UPF1: variants seen among roughly 807,000 people sequenced by gnomAD.
The protein encoded by UPF1 is UPF1 RNA helicase and ATPase, also known as regulator of nonsense transcripts 1.
Under a neutral mutation model 129.2 loss-of-function variants are expected in UPF1, and 9 were observed. The ratio of observed to expected loss-of-function variants is 0.07; its 90% CI spans 0.04 to 0.12. The LOEUF (loss-of-function observed/expected upper bound fraction) is 0.12. UPF1 is among the 10% of genes least tolerant of loss of function. The probability of loss-of-function intolerance (pLI) is 1.00; values close to 1 mark genes in which losing one functional copy is unlikely to be tolerated. For missense variants in UPF1, 788 were observed against 1,525.3 expected (o/e 0.52, Z 8.05); for synonymous variants, 649 against 644.9 (o/e 1.01, Z -0.10).
chr19:18,832,337 A>G lies in UPF1; in HGVS notation c.128A>G (p.Gln43Arg), dbSNP rs773460718. Residue 43 changes from glutamine to arginine, a missense_variant, in exon 1 of 24, where the codon CAG (glutamine) becomes CGG (arginine). Physicochemically the swap from Gln to Arg is conservative, Grantham distance 43. Transcript: ENST00000262803. The surrounding 1 kb of genome is among the most constrained non-coding windows in gnomAD (Gnocchi z 5.6). Reference sequence around the variant, plus strand: ...TTCACCGACTTTACTCTTCCTAGCCAGACGCAGACGCCCCCCGGCGGCCCC... The same window carrying G: ...TTCACCGACTTTACTCTTCCTAGCCGGACGCAGACGCCCCCCGGCGGCCCC... ...FEFTDFTLPS[Q>R]TQTPPGGPGG... 2.8e-6 allele frequency: 4 copies of G among 1,424,308 alleles called. No homozygotes were observed. The highest frequency in any genetic ancestry group is 2.1e-5 in the Admixed American group (1 of 47,216). The allele number at this position is 1,424,308 out of a possible 1,614,324, so 88.2% of individuals were successfully genotyped here. A position where few individuals can be genotyped will look rare whatever the true frequency, so the allele number is the denominator to read the frequency against.
rs1399903556 is a variant in UPF1 at position 18,855,210 on chromosome 19, C to A, written c.1512C>A (p.Thr504=). 5 of 1,612,606 alleles carry A rather than the reference C, an allele frequency of 3.1e-6. No homozygotes were observed. Among genetic ancestry groups the A allele is most frequent in the Non-Finnish European group, 4.2e-6 (5 of 1,180,000 alleles). Residue 504 remains threonine, a synonymous_variant, in exon 11 of 24, where the codon ACC becomes ACA. Coordinates refer to ENST00000262803, the MANE Select transcript of UPF1 (RefSeq NM_002911.4). The part of the protein sequence containing the change: ...PGTGKTVTSA[T]IVYHLARQGN... Reference sequence around the variant, plus strand: ...CGGGGAAGACGGTGACGTCGGCCACCATCGTCTACCACCTGGCCCGGCAAG... The same window carrying A: ...CGGGGAAGACGGTGACGTCGGCCACAATCGTCTACCACCTGGCCCGGCAAG...
At chr19:18,844,302 G>T (rs577230806) in intron 1 of UPF1, among the ~76,000 whole-genome samples, 7 of 150,284 alleles carry the variant, frequency 4.7e-5, no homozygotes, top group African/African-American at 1.2e-4. Context: ...TGGGGGCCGG[G>T]GGGGGGTTTG....
Position 18,852,177 on chromosome 19 carries a change from G to A in UPF1, c.853G>A (p.Val285Met), listed in dbSNP as rs1200039815. ...GCTGGAGGACCTGGAGAAGCCGGGG[G>A]TGGACGAGGAGCCGCAGCATGTCCT... ...ATLEDLEKPG[V>M]DEEPQHVLLR... is the part of the protein sequence containing the mutation. Residue 285 changes from valine (V) to methionine (M), a missense_variant, in exon 6 of 24, where the codon GTG becomes ATG. Val to Met is a conservative substitution (Grantham distance 21). Transcript: ENST00000262803. 1.9e-6 allele frequency: 3 copies of A among 1,613,298 alleles called. No individual in the cohort carries two copies. Among genetic ancestry groups the A allele is most frequent in the East Asian group, 4.5e-5 (2 of 44,856 alleles).
At chr19:18,857,921 G>A (rs573763843) in intron 15 of UPF1, among the ~76,000 whole-genome samples, 5 of 152,304 alleles carry the variant, frequency 3.3e-5, no homozygotes, top group African/African-American at 7.2e-5. Context: ...GACCGTGTCC[G>A]GCTTCCCTGG....
chr19:18,837,891 A>G (rs1364347711), intron 1 of UPF1, among the ~76,000 whole-genome samples: 2 of 152,164 alleles, frequency 1.3e-5, no homozygotes, highest in Non-Finnish European at 2.9e-5. Context: ...ATCGTAAGGG[A>G]CAACTAGCTA....
chr19:18,846,224 GTGACTC>G (rs1025310143), intron 2 of UPF1, 105 bp downstream of exon 2: 112 of 1,504,074 alleles, frequency 7.4e-5, no homozygotes, highest in Non-Finnish European at 9.2e-5. Context: ...CCCTTGTGCT[GTGACTC>G]TGGGTGGCGG....
At chr19:18,857,648 C>T in intron 15 of UPF1, 115 bp downstream of exon 15, 3 of 1,219,520 alleles carry the variant, frequency 2.5e-6, no homozygotes, top group South Asian at 1.6e-5. Context: ...CACATAGCCA[C>T]TGCTTGAGGT....
intron 8 of UPF1, 28 bp from the exon 9 acceptor site, chr19:18,854,573 A>G: frequency 6.3e-7 from 1 of 1,577,048 alleles, no homozygotes; most frequent in Middle Eastern, 1.7e-4. Flanking sequence ...GGCTTTTGAC[A>G]AGGATGCAAA....
chr19:18,844,409 C>T (rs1290841612), intron 1 of UPF1, among the ~76,000 whole-genome samples: 4 of 151,294 alleles, frequency 2.6e-5, no homozygotes, highest in Non-Finnish European at 4.4e-5. Flanking sequence ...CTGCAACCTG[C>T]GCCTCCTGGG....
Position 18,832,061 on chromosome 19 carries a change from C to G in UPF1, c.-149C>G. ...CGGCTCGGCACTGTTACCTCTCGGT[C>G]CGGCTGGCGCCGGGGCGCGCGGTTT... is the stretch of plus-strand genomic sequence containing the variant. On this transcript the variant is annotated 5_prime_UTR_variant, in exon 1 of 24. Coordinates refer to ENST00000262803, the MANE Select transcript of UPF1 (RefSeq NM_002911.4). The surrounding 1 kb of genome is among the most constrained non-coding windows in gnomAD (Gnocchi z 5.6). 1.4e-6 allele frequency: 1 copy of G among 689,970 alleles called. No homozygotes were observed. Among genetic ancestry groups the G allele is most frequent in the South Asian group, 3.9e-5 (1 of 25,420 alleles). 42.7% of individuals were successfully genotyped at this position (689,970 alleles called of 1,614,324 possible). A position where few individuals can be genotyped will look rare whatever the true frequency, so the allele number is the denominator to read the frequency against.
intron 19 of UPF1, 38 bp from the exon 20 acceptor site, chr19:18,864,132 T>G: frequency 8.9e-5 from 142 of 1,587,132 alleles, no homozygotes; most frequent in Middle Eastern, 1.7e-4. Context: ...TTCCTTCTGT[T>G]GAGATGACAA....
At chr19:18,852,945 G>A in intron 6 of UPF1, 42 bp from the exon 7 acceptor site, 1 of 1,566,232 alleles carries the variant, frequency 6.4e-7, no homozygotes, top group Non-Finnish European at 8.8e-7. Context: ...GCCCGGGCCT[G>A]TGCTGGAGGC....
At chr19:18,860,521 A>G (rs946844272) in intron 16 of UPF1, 83 bp downstream of exon 16, 2 of 1,388,768 alleles carry the variant, frequency 1.4e-6, no homozygotes, top group East Asian at 4.6e-5. Context: ...TATTTTTAAC[A>G]TGGGACTGAA....
At position 18,856,083 on chromosome 19, in the gene UPF1, T is replaced by C; in HGVS notation, c.1703T>C (p.Met568Thr). 6.2e-7 allele frequency: 1 copy of C among 1,613,740 alleles called. No individual in the cohort carries two copies. The highest frequency in any genetic ancestry group is 8.5e-7 in the Non-Finnish European group (1 of 1,179,826). ...GCCCTGCACAACCAGATCAGGAACA[T>C]GGACAGGTGTGTGTCGAGTCCATCC... ...FLALHNQIRN[M>T]DSMPELQKLQ... The change falls in exon 12 of 24, where the codon ATG becomes ACG. Residue 568 changes from methionine (M) to threonine (T), a missense_variant. This residue lies in a region of UPF1 where 91 missense variants were observed against 157.2 expected (regional missense o/e 0.58). Transcript: ENST00000262803.
Position 18,867,790 on chromosome 19 carries a change from C to T in UPF1, c.*1273C>T, listed in dbSNP as rs1314461955. On this transcript the variant is annotated 3_prime_UTR_variant, in exon 24 of 24. Coordinates refer to ENST00000262803, the MANE Select transcript of UPF1 (RefSeq NM_002911.4). ...CCCTCGAACGCCTGGCTTGGGGTGT[C>T]ATTCTGCCTGGCGGCCAGGCCTCCA... The T allele has an allele frequency of 6.6e-6, 1 of 152,334 alleles. No individual in the cohort carries two copies. The highest frequency in any genetic ancestry group is 1.5e-5 in the Non-Finnish European group (1 of 68,112). The allele number at this position is 152,334 out of a possible 1,614,324, so 9.4% of individuals were successfully genotyped here.
intron 1 of UPF1, among the ~76,000 whole-genome samples, chr19:18,837,880 G>T (rs1456191083): frequency 6.6e-6 from 1 of 152,146 alleles, no homozygotes; most frequent in Non-Finnish European, 1.5e-5. Flanking sequence ...TGTCTTTCTG[G>T]ATCGTAAGGG....
rs762346512 is a variant in UPF1 at position 18,864,175 on chromosome 19, C to T, written c.2781C>T (p.Ala927=). Residue 927 remains alanine (A), a synonymous_variant, in exon 20 of 24, where the codon GCC becomes GCT. Transcript: ENST00000262803. ...RKLVNTINPG[A]RFMTTAMYDA... The stretch of plus-strand genomic sequence containing the variant: ...ACCTATCTAAACCTTCGCAGGGAGC[C>T]CGCTTCATGACCACAGCCATGTATG... The T allele has an allele frequency of 6.2e-7, 1 of 1,613,950 alleles. No homozygotes were observed. Among genetic ancestry groups the T allele is most frequent in the Non-Finnish European group, 8.5e-7 (1 of 1,179,806 alleles).
chr19:18,867,461 G>A lies in UPF1; in HGVS notation c.*944G>A, dbSNP rs765905493. On this transcript the variant is annotated 3_prime_UTR_variant, in exon 24 of 24. Coordinates refer to ENST00000262803, the MANE Select transcript of UPF1 (RefSeq NM_002911.4). Reference sequence around the variant, plus strand: ...TGGCCCTGTGGCCAGGAGGCGAGAAGGTGGCTGTTCCCGGATTGACGGCTT... The same window carrying A: ...TGGCCCTGTGGCCAGGAGGCGAGAAAGTGGCTGTTCCCGGATTGACGGCTT... The A allele has an allele frequency of 1.3e-5, 2 of 152,502 alleles. No individual in the cohort carries two copies. Among genetic ancestry groups the A allele is most frequent in the Admixed American group, 6.5e-5 (1 of 15,290 alleles). 9.4% of individuals were successfully genotyped at this position (152,502 alleles called of 1,614,324 possible).
At chr19:18,866,274 G>C (rs1163561017) in intron 23 of UPF1, 108 bp downstream of exon 23, 4 of 1,422,436 alleles carry the variant, frequency 2.8e-6, no homozygotes, top group Non-Finnish European at 3.7e-6. Flanking sequence ...GGAAATGTGT[G>C]CTGTGCCTGG....
Sources: allele counts gnomAD v4.1 joint callset (sites outside exome capture counted in the v4.1 genomes callset), GRCh38; gene constraint gnomAD v4.1.1; regional missense constraint gnomAD v4.1.1; non-coding constraint Gnocchi (gnomAD v3.1); transcripts MANE v1.5; gene names NCBI Gene and HGNC (gene_info 2026-07-23, HGNC 2026-07-21).